The following TBC1D22A variants were observed in gnomAD, a reference collection of about 807,000 sequenced individuals.
TBC1D22A encodes the protein putative GTPase activator.
A neutral mutation model predicts 60.2 loss-of-function variants in TBC1D22A; 38 were observed. That is an observed-to-expected ratio of 0.63 (90% confidence interval 0.49 to 0.83). The LOEUF (loss-of-function observed/expected upper bound fraction) is 0.83. TBC1D22A is among the 40% of genes least tolerant of loss of function. The probability of loss-of-function intolerance (pLI) is 0.00; values close to 1 mark genes in which losing one functional copy is unlikely to be tolerated. For synonymous variants in TBC1D22A, 302 were observed against 281.7 expected, an observed-to-expected ratio of 1.07 and a Z score of -0.72; for missense variants, 628 against 701.0, an observed-to-expected ratio of 0.90 and a Z score of 1.18.
intron 12 of TBC1D22A, among the ~76,000 whole-genome samples, chr22:47,113,878 T>A (rs1391992635): frequency 6.6e-6 from 1 of 151,904 alleles, no homozygotes; most frequent in Admixed American, 6.6e-5. Context: ...CTGAGCTAGG[T>A]CTGGGGGAGG....
intron 11 of TBC1D22A, among the ~76,000 whole-genome samples, chr22:47,080,500 C>T (rs562082490): frequency 1.1e-4 from 17 of 151,942 alleles, no homozygotes; most frequent in African/African-American, 3.9e-4. Flanking sequence ...AAATAATCCG[C>T]GATTCAAAGA....
chr22:46,978,628 G>T (rs1300765690), intron 9 of TBC1D22A, among the ~76,000 whole-genome samples: 1 of 152,084 alleles, frequency 6.6e-6, no homozygotes, highest in East Asian at 1.9e-4. Flanking sequence ...TTGTTTGTTT[G>T]TTTTTTGGAG....
At chr22:47,154,776 C>T (rs986291408) in intron 12 of TBC1D22A, among the ~76,000 whole-genome samples, 3 of 152,238 alleles carry the variant, frequency 2.0e-5, no homozygotes, top group Admixed American at 6.5e-5. Flanking sequence ...GCTGCTCTTC[C>T]CCTCCCCACT....
chr22:47,058,936 C>T (rs2063483888), intron 11 of TBC1D22A, among the ~76,000 whole-genome samples: 1 of 152,220 alleles, frequency 6.6e-6, no homozygotes. Flanking sequence ...CCCCATACCC[C>T]TCCCTCAGTT....
chr22:47,052,947 G>C (rs534960730), intron 11 of TBC1D22A, among the ~76,000 whole-genome samples: 2 of 152,316 alleles, frequency 1.3e-5, no homozygotes, highest in African/African-American at 4.8e-5. Context: ...TGGATGCCAC[G>C]CAGCTGTGAC....
intron 4 of TBC1D22A, among the ~76,000 whole-genome samples, chr22:46,805,968 T>A (rs1483806620): frequency 6.6e-6 from 1 of 151,726 alleles, no homozygotes; most frequent in Non-Finnish European, 1.5e-5. Context: ...TTCTCCTGCC[T>A]CAACCTCCTG....
chr22:46,923,782 T>TC (rs1569227308), intron 8 of TBC1D22A, among the ~76,000 whole-genome samples: 1 of 152,240 alleles, frequency 6.6e-6, no homozygotes, highest in Non-Finnish European at 1.5e-5. Flanking sequence ...CATGTTTTTT[T>TC]CCCACATTTA....
At chr22:46,849,137 C>G (rs1425048277) in intron 4 of TBC1D22A, among the ~76,000 whole-genome samples, 1 of 152,172 alleles carries the variant, frequency 6.6e-6, no homozygotes, top group South Asian at 2.1e-4. Context: ...TGGTTGTGGC[C>G]ATTATTATTC....
chr22:47,096,492 A>G, intron 11 of TBC1D22A, among the ~76,000 whole-genome samples: 1 of 152,190 alleles, frequency 6.6e-6, no homozygotes, highest in Admixed American at 6.5e-5. Context: ...AGAAGTTTAA[A>G]ATTTGGGGGT....
At chr22:46,792,428 G>A in intron 1 of TBC1D22A, 92 bp from the exon 2 acceptor site, 1 of 1,567,458 alleles carries the variant, frequency 6.4e-7, no homozygotes, top group Non-Finnish European at 8.8e-7. Context: ...AGTCCTGTGG[G>A]TTCCTGGGAG....
At chr22:46,852,568 A>G (rs1274154118) in intron 4 of TBC1D22A, among the ~76,000 whole-genome samples, 2 of 152,166 alleles carry the variant, frequency 1.3e-5, no homozygotes, top group Non-Finnish European at 2.9e-5. Flanking sequence ...TGGAGACATC[A>G]TACTGGGTTG....
intron 4 of TBC1D22A, among the ~76,000 whole-genome samples, chr22:46,824,202 C>A (rs767650611): frequency 6.6e-6 from 1 of 152,068 alleles, no homozygotes; most frequent in Non-Finnish European, 1.5e-5. Flanking sequence ...TCAGCTGGAC[C>A]ACTTTTTGGG....
intron 11 of TBC1D22A, among the ~76,000 whole-genome samples, chr22:47,044,430 G>A (rs1215896501): frequency 6.6e-6 from 1 of 152,160 alleles, no homozygotes; most frequent in Non-Finnish European, 1.5e-5. Flanking sequence ...TCCAAGTACC[G>A]CACCTGCTGG....
chr22:46,877,597 A>G (rs950090435), intron 4 of TBC1D22A, among the ~76,000 whole-genome samples: 3 of 152,204 alleles, frequency 2.0e-5, no homozygotes, highest in Non-Finnish European at 4.4e-5. Flanking sequence ...TCGCCCAATT[A>G]TTCTGTACTT....
At chr22:46,823,973 CG>C (rs893460330) in intron 4 of TBC1D22A, among the ~76,000 whole-genome samples, 1 of 152,102 alleles carries the variant, frequency 6.6e-6, no homozygotes, top group African/African-American at 2.4e-5. Flanking sequence ...AGTGCCAGCC[CG>C]GGTGTGATTT....
At chr22:46,907,008 T>C (rs2069529840) in intron 7 of TBC1D22A, among the ~76,000 whole-genome samples, 1 of 151,980 alleles carries the variant, frequency 6.6e-6, no homozygotes, top group Non-Finnish European at 1.5e-5. Flanking sequence ...ACACGGGCTT[T>C]TCTCTGTGTG....
chr22:46,884,733 C>T (rs1027692147), intron 5 of TBC1D22A, among the ~76,000 whole-genome samples: 1 of 152,284 alleles, frequency 6.6e-6, no homozygotes, highest in Admixed American at 6.5e-5. Context: ...AATGGGTGGG[C>T]AGGATTGGCT....
At chr22:47,153,864 A>G (rs2067604595) in intron 12 of TBC1D22A, among the ~76,000 whole-genome samples, 1 of 152,054 alleles carries the variant, frequency 6.6e-6, no homozygotes, top group Admixed American at 6.5e-5. Context: ...GCAGCTTGAC[A>G]GGGGTGACGA....
At chr22:47,082,131 C>T (rs2064493285) in intron 11 of TBC1D22A, among the ~76,000 whole-genome samples, 1 of 152,110 alleles carries the variant, frequency 6.6e-6, no homozygotes, top group Non-Finnish European at 1.5e-5. Flanking sequence ...GCACTCCAGC[C>T]TGGGCGACAG....
Sources: gnomAD v4.1 joint callset for allele counts (sites outside exome capture counted in the v4.1 genomes callset) on GRCh38, gnomAD v4.1.1 for gene constraint, MANE v1.5 for transcripts, NCBI Gene and HGNC (gene_info 2026-07-23, HGNC 2026-07-21) for gene names.